The following TASOR2 variants were observed in gnomAD, a reference collection of about 807,000 sequenced individuals.
TASOR2 encodes transcription activation suppressor family member 2.
Under a neutral mutation model 199.5 loss-of-function variants are expected in TASOR2, and 84 were observed. The observed-to-expected ratio is 0.42, with a 90% CI of 0.35 to 0.50. TASOR2 has a LOEUF of 0.50. Among genes scored for constraint, TASOR2 ranks in the 20% least tolerant of loss-of-function variants. The pLI, the probability that TASOR2 is intolerant of heterozygous loss-of-function variation, is 0.02. For missense variants in TASOR2, 2,796 were observed against 2,835.9 expected (o/e 0.99, Z 0.32); for synonymous variants, 1,103 against 1,046.6 (o/e 1.05, Z -1.04).
In TASOR2 at chr10:5,719,672, A is replaced by G. The variant is rs560313043; in HGVS notation, c.-99-872A>G. Among the ~76,000 whole-genome samples, 60 of 152,020 alleles carry G rather than the reference A, an allele frequency of 3.9e-4. No individual in the cohort carries two copies. Among genetic ancestry groups the G allele is most frequent in the African/African-American group, 1.3e-3 (53 of 41,450 alleles). ...CTTTTTTCTTTTTTTTTGGAGAGAC[A>G]TGTAACCCTTGATGGAGAGAACTCT... On this transcript the variant is annotated intron_variant, in intron 3 of 20. Coordinates refer to ENST00000328090, the Ensembl canonical transcript of TASOR2. The surrounding 1 kb of genome is among the most constrained non-coding windows in gnomAD (Gnocchi z 4.1).
intron 1 of TASOR2, among the ~76,000 whole-genome samples, chr10:5,707,722 A>C (rs1838825522): frequency 3.4e-5 from 4 of 118,844 alleles, no homozygotes; most frequent in Non-Finnish European, 5.1e-5. Context: ...TCCCTCACTC[A>C]TTTTCACACA....
chr10:5,712,445 C>G lies in TASOR2; in HGVS notation c.-287-378C>G, dbSNP rs189896228. On this transcript the variant is annotated intron_variant, in intron 1 of 20. Transcript: ENST00000328090. ...GACTCTCTCTTCCAGAGGGCAGTTT[C>G]ACTCCTCCATACTTCTTACTTGGAC... 1,746 of 1,231,674 alleles carry G rather than the reference C, an allele frequency of 1.4e-3. 3 individuals carry two copies. Among genetic ancestry groups the G allele is most frequent in the Non-Finnish European group, 1.6e-3 (1,629 of 987,596 alleles). The allele number at this position is 1,231,674 out of a possible 1,614,324, so 76.3% of individuals were successfully genotyped here.
chr10:5,733,567 C>T (rs2131598916), intron 11 of TASOR2, among the ~76,000 whole-genome samples: 1 of 152,298 alleles, frequency 6.6e-6, no homozygotes, highest in East Asian at 1.9e-4. Flanking sequence ...GGATTAATTG[C>T]ATTCAGTTTG....
intron 19 of TASOR2, 67 bp downstream of exon 20, chr10:5,761,538 G>C (rs1052926549): frequency 1.4e-6 from 2 of 1,384,326 alleles, no homozygotes; most frequent in African/African-American, 1.4e-5. Context: ...GTCAAAGTTA[G>C]ATACCTGATG....
In TASOR2 at chr10:5,701,493, A is replaced by C. The variant is rs1837838086; in HGVS notation, c.-287-11330A>C. Reference sequence around the variant, plus strand: ...TAGGATTTGTTTTCTATTTCTGTGAAGAAGAATGTCATTGGAATTTTGATA... The same window carrying C: ...TAGGATTTGTTTTCTATTTCTGTGACGAAGAATGTCATTGGAATTTTGATA... On this transcript the variant is annotated intron_variant, in intron 1 of 20. Coordinates refer to ENST00000328090, the Ensembl canonical transcript of TASOR2. This position sits in a 1 kb window ranked among gnomAD's most constrained non-coding sequence, Gnocchi z 4.9. Among the ~76,000 whole-genome samples, 1 of 152,210 alleles carries C rather than the reference A, an allele frequency of 6.6e-6. No individual in the cohort carries two copies. Among genetic ancestry groups the C allele is most frequent in the African/African-American group, 2.4e-5 (1 of 41,470 alleles).
At chr10:5,718,529 C>T (rs1366281923) in intron 3 of TASOR2, among the ~76,000 whole-genome samples, 1 of 151,884 alleles carries the variant, frequency 6.6e-6, no homozygotes, top group Non-Finnish European at 1.5e-5. Flanking sequence ...GGGTGGATCA[C>T]CTGAGGTCAG....
At chr10:5,746,842 T>G (rs1283948766) in exon 15 of TASOR2, 1 of 1,614,082 alleles carries the variant, frequency 6.2e-7, no homozygotes, top group Non-Finnish European at 8.5e-7. Flanking sequence ...AGTGTGTTCA[T>G]TACAGAAGGA....
chr10:5,747,265 A>G (rs1588876380), exon 15 of TASOR2: 1 of 1,614,188 alleles, frequency 6.2e-7, no homozygotes, highest in Non-Finnish European at 8.5e-7. Context: ...AGATTCTGAC[A>G]TTGACTTAGC....
chr10:5,694,580 A>G (rs576753146), intron 1 of TASOR2, among the ~76,000 whole-genome samples: 36 of 152,338 alleles, frequency 2.4e-4, no homozygotes, highest in Middle Eastern at 3.4e-3. Flanking sequence ...TATTACACAT[A>G]TACTTCTTTT....
chr10:5,718,810 A>C (rs1832992204), intron 3 of TASOR2, among the ~76,000 whole-genome samples: 1 of 151,726 alleles, frequency 6.6e-6, no homozygotes, highest in Non-Finnish European at 1.5e-5. Context: ...TTTGAGGTAC[A>C]ATCACTAGTT....
At chr10:5,692,510 G>T (rs901270239) in intron 1 of TASOR2, among the ~76,000 whole-genome samples, 2 of 152,142 alleles carry the variant, frequency 1.3e-5, no homozygotes, top group Admixed American at 6.5e-5. Flanking sequence ...CCTGTGCTCC[G>T]TTCTGACGAC....
chr10:5,692,783 G>C (rs1341633481), intron 1 of TASOR2: 1 of 151,426 alleles, frequency 6.6e-6, no homozygotes, highest in African/African-American at 2.4e-5. Flanking sequence ...AGGCGCCGCC[G>C]GCCCCGCGCC....
In TASOR2 at chr10:5,752,486, C is replaced by T. The variant is rs867635103; in HGVS notation, c.6606+2459C>T. The stretch of plus-strand genomic sequence containing the variant: ...GCCGTGTGTCGGCTCCACATGCCCA[C>T]TGGGTCTGTCTCAGACTTCACTTAC... On this transcript the variant is annotated intron_variant, in intron 15 of 20. Transcript: ENST00000328090. The surrounding 1 kb of genome is among the most constrained non-coding windows in gnomAD (Gnocchi z 4.4). 6.6e-6 allele frequency among the ~76,000 whole-genome samples: 1 copy of T among 152,212 alleles called. No homozygotes were observed. The highest frequency in any genetic ancestry group is 2.4e-5 in the African/African-American group (1 of 41,454).
rs369777988 is a variant in TASOR2 at position 5,756,619 on chromosome 10, C to T, written c.6613C>T (p.Leu2205=). The T allele has an allele frequency of 8.1e-6, 13 of 1,612,806 alleles. No individual in the cohort carries two copies. In the African/African-American group the frequency reaches 1.6e-4, roughly 20 times the overall value. The change falls in exon 16 of 21, where the codon CTG becomes TTG. Residue 2205 remains leucine, a synonymous_variant. Coordinates refer to ENST00000328090, the Ensembl canonical transcript of TASOR2. ...CTATTTGTAAATCTTTCAGAACCTTCTGAGGAAAGGAGGCCATACAGAAAT... is the reference window on the plus strand; with the variant it reads ...CTATTTGTAAATCTTTCAGAACCTTTTGAGGAAAGGAGGCCATACAGAAAT...
intron 15 of TASOR2, among the ~76,000 whole-genome samples, chr10:5,753,958 G>A (rs932815520): frequency 5.3e-5 from 8 of 152,194 alleles, no homozygotes; most frequent in Admixed American, 2.6e-4. Context: ...TCTTGGTCAC[G>A]TACACGTTTT....
At chr10:5,739,967 A>G (rs1836165952) in exon 13 of TASOR2, 2 of 1,614,160 alleles carry the variant, frequency 1.2e-6, no homozygotes, top group African/African-American at 1.3e-5. Flanking sequence ...TACCTAACCC[A>G]TCTTCTGATA....
In TASOR2 at chr10:5,709,746, T is replaced by G. The variant is rs1052305110; in HGVS notation, c.-287-3077T>G. The stretch of plus-strand genomic sequence containing the variant: ...AAAATGTTTTTAGTTTTAATTTAGA[T>G]CATGTAAAACAAAAAGACTTTAAAA... On this transcript the variant is annotated intron_variant, in intron 1 of 20. Coordinates refer to ENST00000328090, the Ensembl canonical transcript of TASOR2. 2.6e-6 allele frequency: 3 copies of G among 1,141,154 alleles called. No homozygotes were observed. The African/African-American group carries it at 4.8e-5, about 18-fold the overall frequency. 70.7% of individuals were successfully genotyped at this position (1,141,154 alleles called of 1,614,324 possible).
intron 18 of TASOR2, chr10:5,760,819 G>C (rs1839703247): frequency 6.6e-6 from 1 of 152,566 alleles, no homozygotes; most frequent in South Asian, 2.1e-4. Context: ...GTCGAGCAGA[G>C]ACAGAAATGC....
At position 5,685,445 on chromosome 10, in the gene TASOR2, G is replaced by C. The variant is rs1250424778; in HGVS notation, c.-288+270G>C. 2.0e-5 allele frequency among the ~76,000 whole-genome samples: 3 copies of C among 152,134 alleles called. No homozygotes were observed. The highest frequency in any genetic ancestry group is 4.4e-5 in the Non-Finnish European group (3 of 68,030). The stretch of plus-strand genomic sequence containing the variant: ...ATCTTGCCCCTTTCTGAGGCGTTTC[G>C]TTTGCGTCGCCTGTCAGGGGACAGC... On this transcript the variant is annotated intron_variant, in intron 1 of 20. Transcript: ENST00000328090. The surrounding 1 kb of genome is among the most constrained non-coding windows in gnomAD (Gnocchi z 5.4).
Sources: gnomAD v4.1 joint callset for allele counts (sites outside exome capture counted in the v4.1 genomes callset) on GRCh38, gnomAD v4.1.1 for gene constraint, Gnocchi (gnomAD v3.1) non-coding constraint, MANE v1.5 for transcripts, NCBI Gene and HGNC (gene_info 2026-07-23, HGNC 2026-07-21) for gene names.